The following EP400 variants were observed in gnomAD, a reference collection of about 807,000 sequenced individuals.
EP400 encodes E1A binding protein p400, also known as E1A-binding protein p400.
EP400 carries 105 observed loss-of-function variants against 354.1 expected under a neutral mutation model. The observed-to-expected ratio is 0.30, with a 90% CI of 0.25 to 0.35. EP400 has a LOEUF of 0.35. Among genes scored for constraint, EP400 ranks in the 10% least tolerant of loss-of-function variants. The pLI is 1.00. For missense variants in EP400, 3,280 were observed against 4,121.0 expected (o/e 0.80, Z 5.59); for synonymous variants, 1,646 against 1,716.9 (o/e 0.96, Z 1.02).
Position 131,987,814 on chromosome 12 carries a change from A to G in EP400, c.2333A>G (p.Tyr778Cys), listed in dbSNP as rs1055235800. Residue 778 changes from tyrosine to cysteine, a missense_variant, in exon 7 of 53, where the codon TAT becomes TGT. Coordinates refer to ENST00000389561, the MANE Select transcript of EP400 (RefSeq NM_015409.5). ...EAPRPKSHWDYLLEEMQWMAT... is the reference protein window; with the variant it reads ...EAPRPKSHWDCLLEEMQWMAT... The stretch of plus-strand genomic sequence containing the variant: ...CCACGCCCCAAGTCCCACTGGGACT[A>G]TCTGCTGGAGGAGATGCAGTGGATG... 22 of 1,613,602 alleles carry G rather than the reference A, an allele frequency of 1.4e-5. No homozygotes were observed. The highest frequency in any genetic ancestry group is 3.3e-5 in the South Asian group (3 of 91,028).
intron 7 of EP400, 81 bp from the exon 8 acceptor site, chr12:131,989,883 G>A (rs1892973520): frequency 1.3e-6 from 2 of 1,530,826 alleles, no homozygotes; most frequent in Non-Finnish European, 1.8e-6. Flanking sequence ...AGTCTGAGAA[G>A]ATTTAAAAAA....
Position 132,050,271 on chromosome 12 carries a change from C to T in EP400, c.7201-52C>T. ...CCAGTGAGCCCTGTGTCCCACGCAG[C>T]CGTCTGTCCATGCTGCCTAATTCAG... is the stretch of plus-strand genomic sequence containing the variant. On this transcript the variant is annotated intron_variant, in intron 39 of 52. Transcript: ENST00000389561. The surrounding 1 kb of genome is among the most constrained non-coding windows in gnomAD (Gnocchi z 4.8). 6.2e-7 allele frequency: 1 copy of T among 1,601,522 alleles called. No individual in the cohort carries two copies. The highest frequency in any genetic ancestry group is 2.2e-5 in the East Asian group (1 of 44,714).
chr12:132,069,351 G>A, intron 50 of EP400, 144 bp from the exon 51 acceptor site: 1 of 1,154,338 alleles, frequency 8.7e-7, no homozygotes, highest in East Asian at 2.5e-5. Context: ...CAGGGGGCAG[G>A]AGATGTGGGT....
At position 131,962,804 on chromosome 12, in the gene EP400, G is replaced by C. The variant is rs925858936; in HGVS notation, c.1335+850G>C. Among the ~76,000 whole-genome samples, 11 of 152,326 alleles carry C rather than the reference G, an allele frequency of 7.2e-5. No homozygotes were observed. The South Asian group carries it at 8.3e-4, about 11-fold the overall frequency. The stretch of plus-strand genomic sequence containing the variant: ...CTTTGTGTTGTGTAGTGTATACTAT[G>C]TTGGTGGAGCTTATTTTGTTTTATG... On this transcript the variant is annotated intron_variant, in intron 2 of 52. Transcript: ENST00000389561.
In EP400 at chr12:131,990,226, G is replaced by C. The variant is rs557636880; in HGVS notation, c.2550+122G>C. 1 of 1,158,402 alleles carries C rather than the reference G, an allele frequency of 8.6e-7. No homozygotes were observed. Among genetic ancestry groups the C allele is most frequent in the Non-Finnish European group, 1.2e-6 (1 of 820,714 alleles). 71.8% of individuals were successfully genotyped at this position (1,158,402 alleles called of 1,614,324 possible). ...GCTTTCGAGCACCAGAGTCAGCAAC[G>C]TGTGCACTCTCCTGGGCTGTTGCTT... On this transcript the variant is annotated intron_variant, in intron 8 of 52. Coordinates refer to ENST00000389561, the MANE Select transcript of EP400 (RefSeq NM_015409.5). This position sits in a 1 kb window ranked among gnomAD's most constrained non-coding sequence, Gnocchi z 4.2.
rs1418325221 is a variant in EP400, at chr12:132,067,884, C to T, written c.8874+398C>T. Among the ~76,000 whole-genome samples the T allele has an allele frequency of 6.6e-6, 1 of 152,112 alleles. No homozygotes were observed. The highest frequency in any genetic ancestry group is 2.4e-5 in the African/African-American group (1 of 41,430). On this transcript the variant is annotated intron_variant, in intron 50 of 52. Transcript: ENST00000389561. The surrounding 1 kb of genome is among the most constrained non-coding windows in gnomAD (Gnocchi z 5.3). Reference sequence around the variant, plus strand: ...GACTCCTGCTGGAGGACAGGGATGCCGTACAGTCTGGACCCCAGACAGGGA... The same window carrying T: ...GACTCCTGCTGGAGGACAGGGATGCTGTACAGTCTGGACCCCAGACAGGGA...
rs1893056169 is a variant in EP400, at chr12:131,992,021, G to A, written c.2680-152G>A. ...GCATTGATCATGTCCTCGCTCCCCC[G>A]CTGCCCTGCCCCGACCCCAAATGGA... is the stretch of plus-strand genomic sequence containing the variant. On this transcript the variant is annotated intron_variant, in intron 10 of 52. Coordinates refer to ENST00000389561, the MANE Select transcript of EP400 (RefSeq NM_015409.5). 2.2e-5 allele frequency: 16 copies of A among 743,270 alleles called. 1 individual carries two copies. The highest frequency in any genetic ancestry group is 2.1e-4 in the South Asian group (14 of 67,700). The allele number at this position is 743,270 out of a possible 1,614,324, so 46.0% of individuals were successfully genotyped here.
In EP400 at chr12:132,079,225, G is replaced by A. The variant is rs1896319082; in HGVS notation, c.*1552G>A. ...GTGAAATCAACTGGGGAGCTCACTT[G>A]AGCTCTTGATAAGAAATGTGGAGAA... On this transcript the variant is annotated 3_prime_UTR_variant, in exon 53 of 53. Transcript: ENST00000389561. The A allele has an allele frequency of 6.6e-6, 1 of 152,272 alleles. No individual in the cohort carries two copies. The highest frequency in any genetic ancestry group is 2.4e-5 in the African/African-American group (1 of 41,478). 9.4% of individuals were successfully genotyped at this position (152,272 alleles called of 1,614,324 possible).
chr12:132,017,579 G>A lies in EP400; in HGVS notation c.3968G>A (p.Ser1323Asn), dbSNP rs1314334530. The change falls in exon 20 of 53, where the codon AGC becomes AAC. Residue 1323 changes from serine (S) to asparagine (N), a missense_variant. Ser to Asn is a conservative substitution (Grantham distance 46). Transcript: ENST00000389561. This position sits in a 1 kb window ranked among gnomAD's most constrained non-coding sequence, Gnocchi z 5.0. The stretch of plus-strand genomic sequence containing the variant: ...AGCGGGCACTTTGTCAACGTCCTGA[G>A]CATCCTTGTGCGGCTGCAGCGCATC... Reference protein sequence around the residue: ...LKSGHFVNVLSILVRLQRICN... With the variant: ...LKSGHFVNVLNILVRLQRICN... The A allele has an allele frequency of 4.3e-6, 7 of 1,613,956 alleles. No individual in the cohort carries two copies. The highest frequency in any genetic ancestry group is 3.3e-4 in the Middle Eastern group (2 of 6,060).
rs574087020 is a variant in EP400 at position 131,986,391 on chromosome 12, A to G, written c.1930-123A>G. 1.7e-3 allele frequency: 1,524 copies of G among 890,316 alleles called. 3 individuals carry two copies. The highest frequency in any genetic ancestry group is 2.8e-3 in the South Asian group (170 of 60,470). 55.2% of individuals were successfully genotyped at this position (890,316 alleles called of 1,614,324 possible). A position where few individuals can be genotyped will look rare whatever the true frequency, so the allele number is the denominator to read the frequency against. On this transcript the variant is annotated intron_variant, in intron 5 of 52. Transcript: ENST00000389561. ...GATACGATGTGATTTGTCTGCTTGC[A>G]TCGTGGAGCGGAAGGTGCTGGCAGT...
At chr12:132,077,330 AGAAC>A in intron 52 of EP400, 67 bp from the exon 53 acceptor site, 1 of 1,537,634 alleles carries the variant, frequency 6.5e-7, no homozygotes, top group Non-Finnish European at 8.8e-7. Flanking sequence ...CCCATCCCAA[AGAAC>A]GTCCATTTTC....
intron 39 of EP400, among the ~76,000 whole-genome samples, chr12:132,048,058 A>G (rs1388949454): frequency 6.6e-6 from 1 of 152,188 alleles, no homozygotes; most frequent in Non-Finnish European, 1.5e-5. Context: ...TTGTTCCCTG[A>G]ACATTGCTGT....
intron 2 of EP400, 109 bp from the exon 3 acceptor site, chr12:131,979,585 G>T: frequency 3.4e-6 from 3 of 882,032 alleles, no homozygotes; most frequent in Non-Finnish European, 5.1e-6. Flanking sequence ...TAACATTCCT[G>T]TTATTAGAAA....
At position 132,050,593 on chromosome 12, in the gene EP400, C is replaced by T. The variant is rs777289608; in HGVS notation, c.7338-6C>T. On this transcript the variant is annotated splice_region_variant and splice_polypyrimidine_tract_variant and intron_variant, in intron 40 of 52. Transcript: ENST00000389561. The surrounding 1 kb of genome is among the most constrained non-coding windows in gnomAD (Gnocchi z 4.8). ...AATAATTGCTGTCTCACTGTCTATA[C>T]TTCAGGCTTGGCATGAATCCCTTTC... 5.0e-6 allele frequency: 8 copies of T among 1,614,206 alleles called. No homozygotes were observed. In the East Asian group the frequency reaches 1.8e-4, roughly 36 times the overall value.
At chr12:131,965,786 T>G (rs551293327) in intron 2 of EP400, among the ~76,000 whole-genome samples, 2 of 152,356 alleles carry the variant, frequency 1.3e-5, no homozygotes, top group Admixed American at 1.3e-4. Context: ...TTGTTTTATT[T>G]ACCATTAATT....
Position 132,044,201 on chromosome 12 carries a change from G to A in EP400, c.6475G>A (p.Ala2159Thr). ...SEDAVMTAVR[A>T]WEFWNLKTLQ... ...GGACGCAGTGATGACTGCAGTGAGG[G>A]CATGGGAGTTCTGGAACCTGAAGAC... is the stretch of plus-strand genomic sequence containing the variant. The change falls in exon 35 of 53, where the codon GCA (alanine) becomes ACA (threonine). Residue 2159 changes from alanine (A) to threonine (T), a missense_variant. Transcript: ENST00000389561. The A allele has an allele frequency of 1.2e-6, 2 of 1,614,242 alleles. No homozygotes were observed. The highest frequency in any genetic ancestry group is 1.7e-6 in the Non-Finnish European group (2 of 1,180,048).
At chr12:132,034,599 G>A (rs1894631179) in intron 30 of EP400, among the ~76,000 whole-genome samples, 10 of 152,208 alleles carry the variant, frequency 6.6e-5, no homozygotes, top group Admixed American at 6.5e-4. Context: ...CCCCCAAACT[G>A]CATAAGGGTG....
Position 132,018,373 on chromosome 12 carries a change from G to C in EP400, c.4274G>C (p.Ser1425Thr). The C allele has an allele frequency of 6.2e-7, 1 of 1,604,158 alleles. No homozygotes were observed. Residue 1425 changes from serine to threonine, a missense_variant, in exon 21 of 53, where the codon AGC (serine) becomes ACC (threonine). Physicochemically the swap from Ser to Thr is moderately conservative, Grantham distance 58. Transcript: ENST00000389561. This position sits in a 1 kb window ranked among gnomAD's most constrained non-coding sequence, Gnocchi z 4.0. The part of the protein sequence containing the change: ...ARPAAAKLKA[S>T]RLFQPVQYGQ... ...CCAGCAGCAGCAAAGCTGAAGGCCAGCAGGTGCGTGCGACCCAGAGGCAGC... is the reference window on the plus strand; with the variant it reads ...CCAGCAGCAGCAAAGCTGAAGGCCACCAGGTGCGTGCGACCCAGAGGCAGC...
At chr12:131,968,325 C>G (rs1892171323) in intron 2 of EP400, among the ~76,000 whole-genome samples, 1 of 152,132 alleles carries the variant, frequency 6.6e-6, no homozygotes, top group Non-Finnish European at 1.5e-5. Flanking sequence ...CATGCCATTT[C>G]TTGAACAGAC....
Sources: gnomAD v4.1 joint callset for allele counts (sites outside exome capture counted in the v4.1 genomes callset) on GRCh38, gnomAD v4.1.1 for gene constraint, Gnocchi (gnomAD v3.1) non-coding constraint, MANE v1.5 for transcripts, NCBI Gene and HGNC (gene_info 2026-07-23, HGNC 2026-07-21) for gene names.